The following SNAPC3 variants were observed in gnomAD, a reference collection of about 807,000 sequenced individuals.
The protein encoded by SNAPC3 is snRNA-activating protein complex subunit 3.
Under a neutral mutation model 47.7 loss-of-function variants are expected in SNAPC3, and 56 were observed. The observed-to-expected ratio is 1.18, with a 90% CI of 0.95 to 1.47. The LOEUF is 1.47. Ranked by LOEUF, SNAPC3 falls within the 40% of genes most tolerant of loss-of-function variation. The probability of loss-of-function intolerance (pLI) is 0.00; values close to 1 mark genes in which losing one functional copy is unlikely to be tolerated. For synonymous variants in SNAPC3, 235 were observed against 189.9 expected (o/e 1.24, Z -1.95); for missense variants, 665 against 511.3 (o/e 1.30, Z -2.90).
At chr9:15,462,615 CTT>C (rs2035299596), downstream of SNAPC3, 1 of 152,146 alleles carries the variant, frequency 6.6e-6, no homozygotes. Context: ...TTGAATTTGA[CTT>C]TTATATAATA....
downstream of SNAPC3, chr9:15,464,300 CAG>C (rs2132018434): frequency 5.1e-6 from 1 of 194,548 alleles, no homozygotes; most frequent in African/African-American, 2.3e-5. Flanking sequence ...CAATGTCATA[CAG>C]AGACGCTGGT....
intron 3 of SNAPC3, among the ~76,000 whole-genome samples, chr9:15,434,973 T>C (rs1478633983): frequency 6.6e-6 from 1 of 152,184 alleles, no homozygotes; most frequent in African/African-American, 2.4e-5. Context: ...ATGGATTGTA[T>C]GGTTAATTCT....
At chr9:15,430,640 G>A (rs2032019095) in intron 2 of SNAPC3, among the ~76,000 whole-genome samples, 2 of 152,278 alleles carry the variant, frequency 1.3e-5, no homozygotes. Flanking sequence ...ATACTTACTA[G>A]TGATGTTTAG....
chr9:15,430,026 G>C (rs1023363394), intron 2 of SNAPC3, among the ~76,000 whole-genome samples: 1 of 152,142 alleles, frequency 6.6e-6, no homozygotes, highest in African/African-American at 2.4e-5. Context: ...TCTTATGGAG[G>C]TACGTATACA....
At chr9:15,459,430 A>T (rs985429402) in intron 8 of SNAPC3, among the ~76,000 whole-genome samples, 7 of 152,160 alleles carry the variant, frequency 4.6e-5, no homozygotes, top group African/African-American at 1.7e-4. Context: ...TGTCGTGGCA[A>T]ATGTGTGATG....
downstream of SNAPC3, chr9:15,465,986 T>G (rs2035598725): frequency 6.2e-6 from 1 of 160,876 alleles, no homozygotes; most frequent in Non-Finnish European, 1.4e-5. Flanking sequence ...AATTTCAGAA[T>G]TAGAAGGGAT....
At chr9:15,427,377 C>G (rs2131739149) in intron 2 of SNAPC3, among the ~76,000 whole-genome samples, 1 of 152,340 alleles carries the variant, frequency 6.6e-6, no homozygotes, top group East Asian at 1.9e-4. Context: ...CAGAGTCTCA[C>G]TCACTCTGTT....
intron 3 of SNAPC3, among the ~76,000 whole-genome samples, chr9:15,437,608 G>A (rs921417261): frequency 4.6e-5 from 7 of 150,554 alleles, no homozygotes; most frequent in South Asian, 2.1e-4. Flanking sequence ...TGTCAGTCGA[G>A]GTAATGATCT....
Position 15,451,130 on chromosome 9 carries a change from C to G in SNAPC3, c.733-190C>G, listed in dbSNP as rs1001092100. On this transcript the variant is annotated intron_variant, in intron 5 of 8. Transcript: ENST00000380821. Reference sequence around the variant, plus strand: ...TTCTAATTGGGTTCCTTTCATGAATCTCAGGAGAATATACACATTTAGATC... The same window carrying G: ...TTCTAATTGGGTTCCTTTCATGAATGTCAGGAGAATATACACATTTAGATC... Among the ~76,000 whole-genome samples the G allele has an allele frequency of 3.9e-5, 6 of 152,038 alleles. 1 individual carries two copies. The South Asian group carries it at 1.2e-3, about 32-fold the overall frequency.
intron 1 of SNAPC3, 146 bp downstream of exon 1, chr9:15,423,339 T>A: frequency 1.2e-6 from 1 of 814,122 alleles, no homozygotes; most frequent in Non-Finnish European, 1.8e-6. Flanking sequence ...TTCAACCCGC[T>A]GGAGCCTTCC....
At chr9:15,435,072 ATG>A (rs1230745824) in intron 3 of SNAPC3, among the ~76,000 whole-genome samples, 1 of 152,146 alleles carries the variant, frequency 6.6e-6, no homozygotes. Context: ...ACTTGTGAAC[ATG>A]TGTTTTCTAG....
chr9:15,466,029 A>G (rs552441494), downstream of SNAPC3: 28 of 155,070 alleles, frequency 1.8e-4, no homozygotes, highest in Admixed American at 8.4e-4. Context: ...TACACAGTGG[A>G]ACAAAGCAAG....
chr9:15,422,937 C>G lies in SNAPC3; in HGVS notation c.58C>G (p.Pro20Ala), dbSNP rs1291496611. ...TAGCGGGGTGGGTGGCAGGCAGGAC[C>G]CAGTCTCCGGCAGTGGCGGCTGCAA... ...TCSGVGGRQDPVSGSGGCNFP... is the reference protein window; with the variant it reads ...TCSGVGGRQDAVSGSGGCNFP... Residue 20 changes from proline (P) to alanine (A), a missense_variant, in exon 1 of 9, where the codon CCA becomes GCA. Transcript: ENST00000380821. The G allele has an allele frequency of 2.6e-6, 4 of 1,539,320 alleles. No individual in the cohort carries two copies. In the South Asian group the frequency reaches 4.8e-5, roughly 19 times the overall value.
intron 3 of SNAPC3, among the ~76,000 whole-genome samples, chr9:15,434,908 T>C (rs1016352772): frequency 6.6e-6 from 1 of 152,226 alleles, no homozygotes; most frequent in Non-Finnish European, 1.5e-5. Context: ...GGTGTACAGA[T>C]ATCTTTTTAA....
chr9:15,437,695 T>C (rs2032959591), intron 3 of SNAPC3, among the ~76,000 whole-genome samples: 1 of 151,920 alleles, frequency 6.6e-6, no homozygotes, highest in Non-Finnish European at 1.5e-5. Context: ...AATGTTAAAT[T>C]ACCCTTGCAT....
intron 3 of SNAPC3, among the ~76,000 whole-genome samples, chr9:15,442,491 AG>A (rs1259882892): frequency 6.8e-6 from 1 of 146,274 alleles, no homozygotes; most frequent in African/African-American, 2.6e-5. Context: ...CTCACTTCTC[AG>A]ACCGGGCGGC....
chr9:15,452,358 G>A (rs1469255963), intron 6 of SNAPC3, among the ~76,000 whole-genome samples: 1 of 132,048 alleles, frequency 7.6e-6, no homozygotes, highest in Non-Finnish European at 1.6e-5. Flanking sequence ...CGCTCTTGTT[G>A]CCCAGGCTGG....
chr9:15,423,015 G>C lies in SNAPC3; in HGVS notation c.136G>C (p.Ala46Pro). 1 of 1,538,674 alleles carries C rather than the reference G, an allele frequency of 6.5e-7. No homozygotes were observed. The highest frequency in any genetic ancestry group is 1.4e-5 in the African/African-American group (1 of 69,704). ...AAATACGCGCGCTTTCCATGTGGGC[G>C]CCTTTGGGGAGCTGTGGCGGGGCCG... ...ELNTRAFHVG[A>P]FGELWRGRLR... Residue 46 changes from alanine (A) to proline (P), a missense_variant, in exon 1 of 9, where the codon GCC becomes CCC. Physicochemically the swap from Ala to Pro is conservative, Grantham distance 27. Transcript: ENST00000380821.
At chr9:15,424,115 T>A in intron 2 of SNAPC3, 129 bp downstream of exon 2, 1 of 462,524 alleles carries the variant, frequency 2.2e-6, no homozygotes, top group Non-Finnish European at 3.9e-6. Flanking sequence ...GTTCTTAATA[T>A]TTGACCATAT....
Sources: gnomAD v4.1 joint callset for allele counts (sites outside exome capture counted in the v4.1 genomes callset) on GRCh38, gnomAD v4.1.1 for gene constraint, MANE v1.5 for transcripts, NCBI Gene and HGNC (gene_info 2026-07-23, HGNC 2026-07-21) for gene names.